SHTN1: variants seen among roughly 807,000 people sequenced by gnomAD.
The protein encoded by SHTN1 is shootin-1.
Under a neutral mutation model 83.1 loss-of-function variants are expected in SHTN1, and 42 were observed. That is an observed-to-expected ratio of 0.51 (90% CI 0.39 to 0.65). The LOEUF (loss-of-function observed/expected upper bound fraction) is 0.65, where lower values mean the gene tolerates loss of function less well. SHTN1 is among the 30% of genes least tolerant of loss of function. SHTN1 has a pLI of 0.00. For synonymous variants in SHTN1, 224 were observed against 247.7 expected, an observed-to-expected ratio of 0.90 and a Z score of 0.90; for missense variants, 622 against 737.8, an observed-to-expected ratio of 0.84 and a Z score of 1.82.
intron 2 of SHTN1, among the ~76,000 whole-genome samples, chr10:116,977,809 G>C (rs1324631952): frequency 2.6e-5 from 4 of 151,936 alleles, no homozygotes; most frequent in African/African-American, 9.7e-5. Flanking sequence ...CAAGTAGCTG[G>C]GACTACAGGT....
In SHTN1 at chr10:116,927,809, T is replaced by C. The variant is rs1434384466; in HGVS notation, c.1095A>G (p.Pro365=). 1 of 1,591,458 alleles carries C rather than the reference T, an allele frequency of 6.3e-7. No homozygotes were observed. Among genetic ancestry groups the C allele is most frequent in the Admixed American group, 1.8e-5 (1 of 56,984 alleles). ...GTGCTTACCGGATAGGATTGGGAGGTGGAGGGGGAAGTGGTGGTGGAGGAG... is the reference window on the plus strand; with the variant it reads ...GTGCTTACCGGATAGGATTGGGAGGCGGAGGGGGAAGTGGTGGTGGAGGAG... ...PPPPPPPLPP[P]PPNPIRSLMS... The change falls in exon 11 of 17, where the codon CCA becomes CCG. Residue 365 remains proline (P), a synonymous_variant. Coordinates refer to ENST00000355371, the MANE Select transcript of SHTN1 (RefSeq NM_001127211.3).
At chr10:117,098,883 CTG>C (rs1239977548) in intron 1 of SHTN1, among the ~76,000 whole-genome samples, 3 of 152,114 alleles carry the variant, frequency 2.0e-5, no homozygotes, top group Non-Finnish European at 4.4e-5. Context: ...TAAAGAATAA[CTG>C]TCTCCTTTTT....
chr10:116,956,096 T>C (rs1849969304), intron 4 of SHTN1, among the ~76,000 whole-genome samples: 1 of 152,224 alleles, frequency 6.6e-6, no homozygotes, highest in Non-Finnish European at 1.5e-5. Context: ...GTGAAGACAT[T>C]TAAGACTTAA....
At chr10:117,085,556 G>C (rs541517824) in intron 1 of SHTN1, among the ~76,000 whole-genome samples, 2 of 152,150 alleles carry the variant, frequency 1.3e-5, no homozygotes, top group Non-Finnish European at 2.9e-5. Context: ...GTCTACCTTG[G>C]TGAATGTTTC....
chr10:116,934,493 T>C (rs1464509686), intron 9 of SHTN1, among the ~76,000 whole-genome samples: 2 of 152,214 alleles, frequency 1.3e-5, no homozygotes, highest in South Asian at 2.1e-4. Flanking sequence ...TGTGGCATTA[T>C]TTCTGGGGCC....
At chr10:117,008,887 G>A (rs762335115), upstream of SHTN1, among the ~76,000 whole-genome samples, 5 of 152,234 alleles carry the variant, frequency 3.3e-5, no homozygotes, top group African/African-American at 9.6e-5. Flanking sequence ...GCCAGGGCGG[G>A]TGGATCACCG....
intron 1 of SHTN1, among the ~76,000 whole-genome samples, chr10:117,088,517 C>T (rs1225681192): frequency 1.3e-5 from 2 of 152,076 alleles, no homozygotes; most frequent in Admixed American, 1.3e-4. Flanking sequence ...GAAAAAGAAA[C>T]TGGAATTATA....
intron 10 of SHTN1, 37 bp downstream of exon 10, chr10:116,929,812 T>C (rs1848884655): frequency 6.7e-7 from 1 of 1,482,836 alleles, no homozygotes; most frequent in Non-Finnish European, 9.1e-7. Context: ...ATTCAAAGAT[T>C]AATAGTAAGA....
At chr10:116,902,084 G>C (rs1303213145) in intron 15 of SHTN1, 127 bp from the exon 16 acceptor site, 1 of 795,734 alleles carries the variant, frequency 1.3e-6, no homozygotes, top group Non-Finnish European at 1.9e-6. Flanking sequence ...AATTTCAAGA[G>C]CATGCTGGAA....
intron 1 of SHTN1, among the ~76,000 whole-genome samples, chr10:116,994,349 A>G (rs1184938343): frequency 1.3e-5 from 2 of 152,180 alleles, no homozygotes; most frequent in Non-Finnish European, 2.9e-5. Flanking sequence ...TAAACTAACA[A>G]AAGTTGAATT....
At chr10:116,905,025 C>A (rs1032285014) in intron 15 of SHTN1, among the ~76,000 whole-genome samples, 1 of 151,062 alleles carries the variant, frequency 6.6e-6, no homozygotes, top group African/African-American at 2.4e-5. Flanking sequence ...CAAGGTGAAA[C>A]CCCGTCTCTA....
chr10:117,086,839 G>A (rs1240718551), intron 1 of SHTN1, among the ~76,000 whole-genome samples: 2 of 152,222 alleles, frequency 1.3e-5, no homozygotes, highest in African/African-American at 4.8e-5. Context: ...GAGCTTAAAG[G>A]TGGACACAAC....
chr10:117,006,614 G>T (rs569871020), upstream of SHTN1, among the ~76,000 whole-genome samples: 2 of 151,584 alleles, frequency 1.3e-5, no homozygotes, highest in Non-Finnish European at 2.9e-5. Context: ...AGGGGTTGTG[G>T]TTGCTGACTA....
chr10:117,113,184 C>G (rs904027091), intron 1 of SHTN1, among the ~76,000 whole-genome samples: 1 of 152,196 alleles, frequency 6.6e-6, no homozygotes, highest in African/African-American at 2.4e-5. Context: ...TTGAGAAAGC[C>G]TACACCTTTC....
intron 1 of SHTN1, among the ~76,000 whole-genome samples, chr10:117,079,141 C>T (rs965150877): frequency 4.0e-5 from 6 of 150,966 alleles, no homozygotes; most frequent in East Asian, 2.0e-4. Context: ...CCCACTAACT[C>T]GTCATCTAGC....
chr10:117,081,792 A>G (rs1317173181), intron 1 of SHTN1, among the ~76,000 whole-genome samples: 7 of 142,914 alleles, frequency 4.9e-5, no homozygotes, highest in African/African-American at 1.8e-4. Flanking sequence ...GAATTTATCC[A>G]TTTCTTCTAG....
At chr10:116,906,229 C>A (rs1325674890) in intron 15 of SHTN1, among the ~76,000 whole-genome samples, 1 of 152,208 alleles carries the variant, frequency 6.6e-6, no homozygotes, top group Non-Finnish European at 1.5e-5. Context: ...GAAACTGAGG[C>A]ACAAAGAGGT....
chr10:117,120,579 A>G (rs10787758), intron 1 of SHTN1, among the ~76,000 whole-genome samples: 147,714 of 152,248 alleles, frequency 0.97, 71,839 homozygotes, highest in East Asian at 1. Flanking sequence ...TTGCACGCCT[A>G]TATCAAAACA....
intron 1 of SHTN1, among the ~76,000 whole-genome samples, chr10:117,004,160 T>G (rs1851922741): frequency 6.6e-6 from 1 of 152,186 alleles, no homozygotes; most frequent in Admixed American, 6.5e-5. Context: ...TTGCTGAGAT[T>G]ACAGGCGTGA....
Sources: gnomAD v4.1 joint callset for allele counts (sites outside exome capture counted in the v4.1 genomes callset) on GRCh38, gnomAD v4.1.1 for gene constraint, MANE v1.5 for transcripts, NCBI Gene and HGNC (gene_info 2026-07-23, HGNC 2026-07-21) for gene names.